SDK2: variants seen among roughly 807,000 people sequenced by gnomAD.
SDK2 encodes the protein protein sidekick-2.
SDK2 carries 105 observed loss-of-function variants against 253.9 expected under a neutral mutation model. The ratio of observed to expected loss-of-function variants is 0.41; its 90% CI spans 0.35 to 0.49. The LOEUF (loss-of-function observed/expected upper bound fraction) is 0.49, where lower values mean the gene tolerates loss of function less well. Ranked by LOEUF, SDK2 falls within the 20% of genes least tolerant of loss-of-function variation. The pLI is 0.06. For missense variants in SDK2, 2,608 were observed against 3,003.0 expected, an observed-to-expected ratio of 0.87 and a Z score of 3.07; for synonymous variants, 1,249 against 1,234.9, an observed-to-expected ratio of 1.01 and a Z score of -0.24.
intron 1 of SDK2, among the ~76,000 whole-genome samples, chr17:73,569,479 T>A (rs746492241): frequency 2.6e-5 from 4 of 152,078 alleles, no homozygotes; most frequent in Non-Finnish European, 5.9e-5. Context: ...ATTACAGGCG[T>A]GAGGCACCGT....
At chr17:73,392,417 T>C (rs146801373) in intron 27 of SDK2, among the ~76,000 whole-genome samples, 4,855 of 152,104 alleles carry the variant, frequency 0.032, 255 homozygotes, top group African/African-American at 0.11. Flanking sequence ...TACAGGCGTG[T>C]GCCACCACAC....
intron 15 of SDK2, among the ~76,000 whole-genome samples, chr17:73,419,553 T>A (rs774009188): frequency 6.6e-6 from 1 of 151,938 alleles, no homozygotes; most frequent in African/African-American, 2.4e-5. Flanking sequence ...TCTGTGTATA[T>A]GTGGATATAT....
chr17:73,397,536 G>A lies in SDK2; in HGVS notation c.3354+499C>T, dbSNP rs888011151. ...CTGTCACAGGCTTGTTGTCAGAACAGCGCCTGGTAGGAGAGGAAGCCTCGG... is the reference window on the plus strand; with the variant it reads ...CTGTCACAGGCTTGTTGTCAGAACAACGCCTGGTAGGAGAGGAAGCCTCGG... On this transcript the variant is annotated intron_variant, in intron 24 of 44. Coordinates refer to ENST00000392650, the MANE Select transcript of SDK2 (RefSeq NM_001144952.2). Among the ~76,000 whole-genome samples the A allele has an allele frequency of 3.3e-5, 5 of 152,224 alleles. No individual in the cohort carries two copies. The South Asian group carries it at 1.0e-3, about 32-fold the overall frequency.
Position 73,380,965 on chromosome 17 carries a change from T to TGGGGGGGGGGGG in SDK2, c.4706-16_4706-15insCCCCCCCCCCCC. ...GGAGTACATGGCTATGGGGTGGGGG[T>TGGGGGGGGGGGG]GCCGGGGCGGGGGCGCAGAGGGAGA... On this transcript the variant is annotated splice_polypyrimidine_tract_variant and intron_variant, in intron 33 of 44. Transcript: ENST00000392650. 1 of 623,454 alleles carries TGGGGGGGGGGGG rather than the reference T, an allele frequency of 1.6e-6. No individual in the cohort carries two copies. The highest frequency in any genetic ancestry group is 2.8e-6 in the Non-Finnish European group (1 of 353,032). The allele number at this position is 623,454 out of a possible 1,614,324, so 38.6% of individuals were successfully genotyped here. A position where few individuals can be genotyped will look rare whatever the true frequency, so the allele number is the denominator to read the frequency against.
chr17:73,426,227 T>TTTTTTTTTTTG (rs2063281503), intron 12 of SDK2, among the ~76,000 whole-genome samples: 1 of 124,226 alleles, frequency 8.0e-6, no homozygotes. Context: ...TTTTTTTTTT[T>TTTTTTTTTTTG]TTTTTTTTTC....
Position 73,472,216 on chromosome 17 carries a change from T to C in SDK2, c.227A>G (p.Tyr76Cys), listed in dbSNP as rs1262993537. Reference sequence around the variant, plus strand: ...GGTGCGGTCCAGGCTGGTGATCATGTATCTATGGGACAGACGAGACAGCCA... The same window carrying C: ...GGTGCGGTCCAGGCTGGTGATCATGCATCTATGGGACAGACGAGACAGCCA... ...ELTKFSLEYR[Y>C]MITSLDRTHA... Residue 76 changes from tyrosine (Y) to cysteine (C), a missense_variant and splice_region_variant, in exon 3 of 45, where the codon TAC (tyrosine) becomes TGC (cysteine). Tyr to Cys is a radical substitution (Grantham distance 194, BLOSUM62 -2). Around this residue, in one of 2 missense-constraint regions of SDK2, gnomAD observed 1,505 missense variants for 1,859.1 expected, o/e 0.81. Coordinates refer to ENST00000392650, the MANE Select transcript of SDK2 (RefSeq NM_001144952.2). 3.2e-6 allele frequency: 5 copies of C among 1,550,716 alleles called. No individual in the cohort carries two copies. The highest frequency in any genetic ancestry group is 3.5e-6 in the Non-Finnish European group (4 of 1,146,236).
chr17:73,485,497 T>G (rs970850652), intron 2 of SDK2, among the ~76,000 whole-genome samples: 2 of 152,178 alleles, frequency 1.3e-5, no homozygotes, highest in Non-Finnish European at 2.9e-5. Flanking sequence ...TGGGCTGGGC[T>G]GAAGAATTTG....
chr17:73,643,957 T>TGCCCCCCCCCCCCCCCC lies in SDK2; in HGVS notation c.64+67_64+68insGGGGGGGGGGGGGGGGC. 7 of 1,019,974 alleles carry TGCCCCCCCCCCCCCCCC rather than the reference T, an allele frequency of 6.9e-6. No individual in the cohort carries two copies. Among genetic ancestry groups the TGCCCCCCCCCCCCCCCC allele is most frequent in the East Asian group, 2.7e-5 (1 of 37,508 alleles). 63.2% of individuals were successfully genotyped at this position (1,019,974 alleles called of 1,614,324 possible). ...GGAGGTCACCGTGAGGCCGGCCAGC[T>TGCCCCCCCCCCCCCCCC]CCCGCCGCCCCTCCCCCGCCCACTC... is the stretch of plus-strand genomic sequence containing the variant. On this transcript the variant is annotated intron_variant, in intron 1 of 44. Transcript: ENST00000392650. This position sits in a 1 kb window ranked among gnomAD's most constrained non-coding sequence, Gnocchi z 6.9.
At chr17:73,471,306 A>G (rs1599597947) in intron 3 of SDK2, among the ~76,000 whole-genome samples, 1 of 152,154 alleles carries the variant, frequency 6.6e-6, no homozygotes, top group East Asian at 1.9e-4. Context: ...AGGATGGAAA[A>G]TAAAAGTCAT....
At chr17:73,453,440 C>A (rs895282503) in intron 4 of SDK2, among the ~76,000 whole-genome samples, 3 of 148,568 alleles carry the variant, frequency 2.0e-5, no homozygotes, top group Middle Eastern at 3.2e-3. Flanking sequence ...TGCAGTGGTG[C>A]AATCTTGGCT....
intron 12 of SDK2, among the ~76,000 whole-genome samples, chr17:73,428,223 G>A (rs1196891637): frequency 6.6e-6 from 1 of 152,150 alleles, no homozygotes; most frequent in Non-Finnish European, 1.5e-5. Context: ...TTGGGAGGCT[G>A]AGCTAATTTT....
intron 1 of SDK2, among the ~76,000 whole-genome samples, chr17:73,595,441 C>T (rs1056225627): frequency 1.3e-5 from 2 of 152,150 alleles, no homozygotes; most frequent in African/African-American, 2.4e-5. Flanking sequence ...GGCCCTTGTG[C>T]TTCCAAGAGA....
At chr17:73,351,389 C>G (rs1599473771) in intron 41 of SDK2, among the ~76,000 whole-genome samples, 1 of 152,194 alleles carries the variant, frequency 6.6e-6, no homozygotes, top group Non-Finnish European at 1.5e-5. Context: ...GGATTACAGA[C>G]GTGAGCCACC....
In SDK2 at chr17:73,402,072, T is replaced by A. The variant is rs757560189; in HGVS notation, c.2554A>T (p.Ser852Cys). The change falls in exon 19 of 45, where the codon AGC (serine) becomes TGC (cysteine). Residue 852 changes from serine (S) to cysteine (C), a missense_variant. This residue lies in a region of SDK2 where 1,505 missense variants were observed against 1,859.1 expected (regional missense o/e 0.81). Coordinates refer to ENST00000392650, the MANE Select transcript of SDK2 (RefSeq NM_001144952.2). ...MVTARPNFQD[S>C]IHVGFVSGLK... ...CCAGACACGAAGCCCACGTGGATGC[T>A]GTCTTGAAAGTTAGGCCGGGCGGTC... 1 of 1,613,904 alleles carries A rather than the reference T, an allele frequency of 6.2e-7. No individual in the cohort carries two copies. The highest frequency in any genetic ancestry group is 8.5e-7 in the Non-Finnish European group (1 of 1,179,900).
intron 1 of SDK2, among the ~76,000 whole-genome samples, chr17:73,530,824 G>A (rs1157328291): frequency 6.6e-6 from 1 of 152,184 alleles, no homozygotes; most frequent in Non-Finnish European, 1.5e-5. Flanking sequence ...CATGCCCCTT[G>A]TGGCCCCAGT....
At chr17:73,507,707 A>G in intron 1 of SDK2, 110 bp from the exon 2 acceptor site, 2 of 1,225,830 alleles carry the variant, frequency 1.6e-6, no homozygotes, top group Non-Finnish European at 2.2e-6. Flanking sequence ...CAGCCAGGTA[A>G]TTTGCCCAAG....
chr17:73,541,511 A>C lies in SDK2; in HGVS notation c.65-33914T>G, dbSNP rs960774170. Among the ~76,000 whole-genome samples the C allele has an allele frequency of 2.0e-5, 3 of 151,668 alleles. No homozygotes were observed. The highest frequency in any genetic ancestry group is 7.3e-5 in the African/African-American group (3 of 41,246). On this transcript the variant is annotated intron_variant, in intron 1 of 44. Coordinates refer to ENST00000392650, the MANE Select transcript of SDK2 (RefSeq NM_001144952.2). The surrounding 1 kb of genome is among the most constrained non-coding windows in gnomAD (Gnocchi z 4.3). The stretch of plus-strand genomic sequence containing the variant: ...CAATACCGCACCACCCCCATTTCAC[A>C]GACAAGGACCCCGAGATAGGTAGAG...
intron 1 of SDK2, among the ~76,000 whole-genome samples, chr17:73,508,505 C>G (rs970659425): frequency 1.3e-5 from 2 of 152,160 alleles, no homozygotes; most frequent in Admixed American, 1.3e-4. Context: ...AGATACCTGC[C>G]TTTTTGTGGA....
At position 73,422,331 on chromosome 17, in the gene SDK2, G is replaced by A. The variant is rs546930131; in HGVS notation, c.2001C>T (p.Ala667=). 8.7e-6 allele frequency: 14 copies of A among 1,613,836 alleles called. No individual in the cohort carries two copies. The highest frequency in any genetic ancestry group is 6.7e-5 in the African/African-American group (5 of 74,906). The change falls in exon 15 of 45, where the codon GCC becomes GCT. Residue 667 remains alanine, a synonymous_variant. Coordinates refer to ENST00000392650, the MANE Select transcript of SDK2 (RefSeq NM_001144952.2). ...ACTGTCCTTTCCCCACGTCGTTGAC[G>A]GCACAAAGACGGAACTGGTAGGAGC... The part of the protein sequence containing the change: ...PARSYQFRLC[A]VNDVGKGQFS...
Sources: gnomAD v4.1 joint callset for allele counts (sites outside exome capture counted in the v4.1 genomes callset) on GRCh38, gnomAD v4.1.1 for gene constraint, gnomAD v4.1.1 regional missense constraint, Gnocchi (gnomAD v3.1) non-coding constraint, MANE v1.5 for transcripts, NCBI Gene and HGNC (gene_info 2026-07-23, HGNC 2026-07-21) for gene names.